PPM1D: variants seen among roughly 807,000 people sequenced by gnomAD.
The protein encoded by PPM1D is protein phosphatase 1D.
A neutral mutation model predicts 58.3 loss-of-function variants in PPM1D; 52 were observed. The observed-to-expected ratio is 0.89, with a 90% confidence interval of 0.71 to 1.12. The LOEUF (loss-of-function observed/expected upper bound fraction) is 1.12, where lower values mean the gene tolerates loss of function less well. Among genes scored for constraint, PPM1D ranks in the 50% most tolerant of loss-of-function variants. The probability of loss-of-function intolerance (pLI) is 0.00; values close to 1 mark genes in which losing one functional copy is unlikely to be tolerated. For missense variants in PPM1D, 564 were observed against 777.2 expected (o/e 0.73, Z 3.26); for synonymous variants, 278 against 285.1 (o/e 0.98, Z 0.25).
At position 60,600,718 on chromosome 17, in the gene PPM1D, G is replaced by T. The variant is rs1443946558; in HGVS notation, c.304G>T (p.Ala102Ser). 6.2e-7 allele frequency: 1 copy of T among 1,607,740 alleles called. No homozygotes were observed. Among genetic ancestry groups the T allele is most frequent in the Admixed American group, 1.7e-5 (1 of 58,966 alleles). Residue 102 changes from alanine (A) to serine (S), a missense_variant, in exon 1 of 6, where the codon GCC becomes TCC. Physicochemically the swap from Ala to Ser is moderately conservative, Grantham distance 99. This residue lies in a region of PPM1D where 132 missense variants were observed against 150.4 expected (regional missense o/e 0.88). Coordinates refer to ENST00000305921, the MANE Select transcript of PPM1D (RefSeq NM_003620.4). Reference protein sequence around the residue: ...CRRRSSVAFFAVCDGHGGREA... With the variant: ...CRRRSSVAFFSVCDGHGGREA... ...CCGCCGTTCCTCCGTGGCCTTTTTC[G>T]CCGTGTGCGACGGGCACGGCGGGCG...
At position 60,625,777 on chromosome 17, in the gene PPM1D, G is replaced by C. The variant is rs573915060; in HGVS notation, c.701+2028G>C. ...ATATTTCTGGTGTTAGCAATGCAGAGACATGGGAATAAGATGGAAATATTC... is the reference window on the plus strand; with the variant it reads ...ATATTTCTGGTGTTAGCAATGCAGACACATGGGAATAAGATGGAAATATTC... On this transcript the variant is annotated intron_variant, in intron 2 of 5. Transcript: ENST00000305921. Among the ~76,000 whole-genome samples, 4 of 152,286 alleles carry C rather than the reference G, an allele frequency of 2.6e-5. No individual in the cohort carries two copies. The South Asian group carries it at 8.3e-4, about 32-fold the overall frequency.
chr17:60,608,349 A>G (rs1437597124), intron 1 of PPM1D, among the ~76,000 whole-genome samples: 1 of 152,212 alleles, frequency 6.6e-6, no homozygotes, highest in East Asian at 1.9e-4. Context: ...ACACCCATCC[A>G]TAACTCAGCT....
chr17:60,620,448 G>A (rs1440646405), intron 1 of PPM1D, among the ~76,000 whole-genome samples: 2 of 152,044 alleles, frequency 1.3e-5, no homozygotes, highest in Non-Finnish European at 2.9e-5. Flanking sequence ...TTTGTTGATG[G>A]TTTCCTTTCC....
intron 4 of PPM1D, among the ~76,000 whole-genome samples, chr17:60,648,583 C>T (rs1567975610): frequency 6.6e-6 from 1 of 151,826 alleles, no homozygotes; most frequent in Non-Finnish European, 1.5e-5. Context: ...TGGGGTTTCA[C>T]CTTGTTAGCC....
At chr17:60,634,776 A>G (rs955185642) in intron 3 of PPM1D, among the ~76,000 whole-genome samples, 8 of 152,076 alleles carry the variant, frequency 5.3e-5, no homozygotes, top group African/African-American at 1.7e-4. Context: ...GAGAAAACGC[A>G]CATTTGTTTA....
chr17:60,648,114 G>T, intron 4 of PPM1D, 32 bp downstream of exon 4: 1 of 1,575,888 alleles, frequency 6.3e-7, no homozygotes, highest in Non-Finnish European at 8.6e-7. Flanking sequence ...TGATATTGTT[G>T]TCTAAACATT....
At chr17:60,651,228 T>TC (rs2031336958) in intron 4 of PPM1D, among the ~76,000 whole-genome samples, 1 of 152,124 alleles carries the variant, frequency 6.6e-6, no homozygotes, top group South Asian at 2.1e-4. Flanking sequence ...AAGGGCTCAG[T>TC]CAGCTGGTGT....
chr17:60,624,576 C>T (rs187184500), intron 2 of PPM1D, among the ~76,000 whole-genome samples: 5 of 152,100 alleles, frequency 3.3e-5, no homozygotes, highest in Admixed American at 6.6e-5. Flanking sequence ...CACCTGAGGT[C>T]GGGAGTTCGA....
At chr17:60,650,663 G>A (rs931747781) in intron 4 of PPM1D, among the ~76,000 whole-genome samples, 1 of 152,186 alleles carries the variant, frequency 6.6e-6, no homozygotes, top group African/African-American at 2.4e-5. Context: ...TTCTAACTCT[G>A]GTGACTAGTA....
At chr17:60,614,371 G>C (rs1196450607) in intron 1 of PPM1D, among the ~76,000 whole-genome samples, 1 of 151,982 alleles carries the variant, frequency 6.6e-6, no homozygotes, top group Non-Finnish European at 1.5e-5. Context: ...TCAGTGCTCT[G>C]TGTCTGGCTA....
Position 60,660,497 on chromosome 17 carries a change from G to A in PPM1D, c.1261-2498G>A, listed in dbSNP as rs910754707. Among the ~76,000 whole-genome samples, 11 of 151,824 alleles carry A rather than the reference G, an allele frequency of 7.2e-5. No homozygotes were observed. The South Asian group carries it at 1.0e-3, about 14-fold the overall frequency. ...GCATATTCATATCTATGATTAGATC[G>A]AGATCATTTTAGAAACGAGTTTCTG... is the stretch of plus-strand genomic sequence containing the variant. On this transcript the variant is annotated intron_variant, in intron 5 of 5. Transcript: ENST00000305921.
At chr17:60,657,041 A>G (rs2031455313) in intron 5 of PPM1D, 200 bp downstream of exon 5, 3 of 1,480,644 alleles carry the variant, frequency 2.0e-6, no homozygotes, top group Non-Finnish European at 2.7e-6. Context: ...ACTAATAAAA[A>G]GGTGATTGTG....
In PPM1D at chr17:60,647,630, A is replaced by G. The variant is rs548988760; in HGVS notation, c.827-262A>G. 1.4e-4 allele frequency among the ~76,000 whole-genome samples: 22 copies of G among 152,284 alleles called. 1 individual carries two copies. The Middle Eastern group carries it at 0.014, about 95-fold the overall frequency. ...TACAAGGCATAGTTTTCTTATTTCTACATTTTAAAGGGAATACTTTTAACA... is the reference window on the plus strand; with the variant it reads ...TACAAGGCATAGTTTTCTTATTTCTGCATTTTAAAGGGAATACTTTTAACA... On this transcript the variant is annotated intron_variant, in intron 3 of 5. Coordinates refer to ENST00000305921, the MANE Select transcript of PPM1D (RefSeq NM_003620.4).
Position 60,666,000 on chromosome 17 carries a change from A to G in PPM1D, c.*2448A>G, listed in dbSNP as rs944397950. On this transcript the variant is annotated 3_prime_UTR_variant, in exon 6 of 6. Coordinates refer to ENST00000305921, the MANE Select transcript of PPM1D (RefSeq NM_003620.4). ...TTTGTTGGTCACACAGACCAAGTCA[A>G]CTACAACGTGGGAGACTCCTACACA... 4 of 152,198 alleles carry G rather than the reference A, an allele frequency of 2.6e-5. No individual in the cohort carries two copies. The highest frequency in any genetic ancestry group is 7.2e-5 in the African/African-American group (3 of 41,450). 9.4% of individuals were successfully genotyped at this position (152,198 alleles called of 1,614,324 possible).
At chr17:60,641,833 T>C (rs1252738674) in intron 3 of PPM1D, among the ~76,000 whole-genome samples, 1 of 152,188 alleles carries the variant, frequency 6.6e-6, no homozygotes, top group African/African-American at 2.4e-5. Context: ...TGAAATTTGA[T>C]AGGTGTAAGG....
At position 60,663,921 on chromosome 17, in the gene PPM1D, A is replaced by G; in HGVS notation, c.*369A>G. The G allele has an allele frequency of 6.1e-6, 1 of 164,894 alleles. No individual in the cohort carries two copies. The highest frequency in any genetic ancestry group is 1.3e-5 in the Non-Finnish European group (1 of 74,786). The allele number at this position is 164,894 out of a possible 1,614,324, so 10.2% of individuals were successfully genotyped here. On this transcript the variant is annotated 3_prime_UTR_variant, in exon 6 of 6. Coordinates refer to ENST00000305921, the MANE Select transcript of PPM1D (RefSeq NM_003620.4). ...TTTAAACTTTTTAAAATACTTATTA[A>G]AAAATTTGTATAAGCCACTTGTCTT...
Position 60,647,789 on chromosome 17 carries a change from C to T in PPM1D, c.827-103C>T, listed in dbSNP as rs984006359. ...TTGAATGTTATCAAATGCTTTTCTG[C>T]GTCTATTGAGATGAACTGTGTAGAT... On this transcript the variant is annotated intron_variant, in intron 3 of 5. Coordinates refer to ENST00000305921, the MANE Select transcript of PPM1D (RefSeq NM_003620.4). The T allele has an allele frequency of 2.4e-5, 27 of 1,123,494 alleles. 1 individual carries two copies. Among genetic ancestry groups the T allele is most frequent in the Admixed American group, 8.2e-5 (3 of 36,664 alleles). The allele number at this position is 1,123,494 out of a possible 1,614,324, so 69.6% of individuals were successfully genotyped here.
At chr17:60,640,623 G>A (rs76011403) in intron 3 of PPM1D, among the ~76,000 whole-genome samples, 7,115 of 152,156 alleles carry the variant, frequency 0.047, 590 homozygotes, top group African/African-American at 0.16. Flanking sequence ...TTTGGGGTAC[G>A]ATTGATTCCG....
At chr17:60,620,746 G>A (rs1027097028) in intron 1 of PPM1D, among the ~76,000 whole-genome samples, 3 of 151,986 alleles carry the variant, frequency 2.0e-5, no homozygotes, top group Non-Finnish European at 4.4e-5. Context: ...CTGACCTCAT[G>A]GTCCACCCAC....
Sources: gnomAD v4.1 joint callset for allele counts (sites outside exome capture counted in the v4.1 genomes callset) on GRCh38, gnomAD v4.1.1 for gene constraint, gnomAD v4.1.1 regional missense constraint, MANE v1.5 for transcripts, NCBI Gene and HGNC (gene_info 2026-07-23, HGNC 2026-07-21) for gene names.